The following ENOX1 variants were observed in gnomAD, a reference collection of about 807,000 sequenced individuals.
The protein encoded by ENOX1 is ecto-NOX disulfide-thiol exchanger 1, also known as candidate growth-related and time keeping constitutive hydroquinone (NADH) oxidase.
In ENOX1, 42 loss-of-function variants were observed where a neutral mutation model predicts 82.5. The ratio of observed to expected loss-of-function variants is 0.51; its 90% CI spans 0.40 to 0.66. The LOEUF (loss-of-function observed/expected upper bound fraction) is 0.66. Ranked by LOEUF, ENOX1 falls within the 30% of genes least tolerant of loss-of-function variation. The pLI is 0.00. For missense variants in ENOX1, 608 were observed against 811.6 expected, an observed-to-expected ratio of 0.75 and a Z score of 3.05; for synonymous variants, 271 against 282.2, an observed-to-expected ratio of 0.96 and a Z score of 0.40.
At chr13:43,350,880 G>A (rs1245328372) in intron 8 of ENOX1, among the ~76,000 whole-genome samples, 1 of 152,100 alleles carries the variant, frequency 6.6e-6, no homozygotes, top group African/African-American at 2.4e-5. Context: ...TTTACAGCTG[G>A]GTCTATAAAG....
At chr13:43,691,884 T>A (rs947984846) in intron 1 of ENOX1, among the ~76,000 whole-genome samples, 3 of 152,006 alleles carry the variant, frequency 2.0e-5, no homozygotes, top group Admixed American at 1.3e-4. Flanking sequence ...GTATTTTTAG[T>A]AGAGATGGGG....
chr13:43,546,270 C>G (rs1472056488), intron 2 of ENOX1: 1 of 152,194 alleles, frequency 6.6e-6, no homozygotes, highest in Non-Finnish European at 1.5e-5. Context: ...TTAGGGAAGG[C>G]CTCTCAGATG....
intron 2 of ENOX1, among the ~76,000 whole-genome samples, chr13:43,576,505 T>C (rs1314716511): frequency 3.5e-4 from 53 of 152,312 alleles, no homozygotes; most frequent in Non-Finnish European, 1.2e-4. Context: ...GCATTTAAAA[T>C]GTGCCTAGTT....
At chr13:43,590,027 A>G (rs539196621) in intron 2 of ENOX1, among the ~76,000 whole-genome samples, 3 of 152,330 alleles carry the variant, frequency 2.0e-5, no homozygotes, top group South Asian at 2.1e-4. Context: ...GCAAGCTACA[A>G]ATTTGCTTGA....
At chr13:43,425,382 T>C (rs1176319083) in intron 3 of ENOX1, among the ~76,000 whole-genome samples, 1 of 152,140 alleles carries the variant, frequency 6.6e-6, no homozygotes, top group Non-Finnish European at 1.5e-5. Context: ...CCCAAGGCCT[T>C]TACCCTCTGT....
At chr13:43,498,941 G>A (rs929652633) in intron 2 of ENOX1, among the ~76,000 whole-genome samples, 2 of 152,084 alleles carry the variant, frequency 1.3e-5, no homozygotes, top group Admixed American at 6.6e-5. Flanking sequence ...TAATTGTGGA[G>A]AAACCTGGCA....
At chr13:43,310,128 G>A (rs569575979) in intron 11 of ENOX1, among the ~76,000 whole-genome samples, 423 of 15,228 alleles carry the variant, frequency 0.028, 3 homozygotes, top group African/African-American at 0.034. Flanking sequence ...GCTTGAACCC[G>A]GGAGAGGTTG....
At chr13:43,433,383 A>G (rs1373788817) in intron 3 of ENOX1, among the ~76,000 whole-genome samples, 1 of 152,150 alleles carries the variant, frequency 6.6e-6, no homozygotes, top group Non-Finnish European at 1.5e-5. Flanking sequence ...CCCATGACCC[A>G]AACACCTCCT....
chr13:43,498,665 G>A (rs899041773), intron 2 of ENOX1, among the ~76,000 whole-genome samples: 3 of 151,748 alleles, frequency 2.0e-5, no homozygotes, highest in African/African-American at 4.8e-5. Context: ...ACAATAATTA[G>A]AACATCTAGT....
chr13:43,252,931 T>C (rs1266499470), intron 14 of ENOX1, among the ~76,000 whole-genome samples: 1 of 152,152 alleles, frequency 6.6e-6, no homozygotes, highest in Non-Finnish European at 1.5e-5. Flanking sequence ...GTTGGAAGGA[T>C]TAAGACACAC....
intron 2 of ENOX1, among the ~76,000 whole-genome samples, chr13:43,661,275 G>T (rs550149308): frequency 6.6e-6 from 1 of 152,284 alleles, no homozygotes; most frequent in Non-Finnish European, 1.5e-5. Flanking sequence ...TAATTGGATG[G>T]ATATAGATAT....
chr13:43,741,745 A>T (rs1317695539), intron 1 of ENOX1, among the ~76,000 whole-genome samples: 1 of 152,172 alleles, frequency 6.6e-6, no homozygotes. Flanking sequence ...AATGTTGACG[A>T]AGTCCAATTT....
intron 1 of ENOX1, among the ~76,000 whole-genome samples, chr13:43,668,875 T>C (rs1398243981): frequency 6.6e-6 from 1 of 152,182 alleles, no homozygotes; most frequent in Non-Finnish European, 1.5e-5. Flanking sequence ...TGAGGGCAGG[T>C]CACTAGACCA....
intron 2 of ENOX1, among the ~76,000 whole-genome samples, chr13:43,489,275 C>A (rs1255443041): frequency 2.0e-5 from 3 of 152,122 alleles, no homozygotes; most frequent in African/African-American, 7.2e-5. Flanking sequence ...CTGCCCAGGG[C>A]AATCTCAAGT....
intron 1 of ENOX1, among the ~76,000 whole-genome samples, chr13:43,702,949 G>C (rs1396877895): frequency 6.3e-5 from 2 of 31,784 alleles, no homozygotes; most frequent in African/African-American, 1.8e-4. Context: ...GTGAGACTCT[G>C]TCTCAAAAAA....
intron 5 of ENOX1, among the ~76,000 whole-genome samples, chr13:43,410,003 C>T (rs1264219282): frequency 6.6e-6 from 1 of 152,154 alleles, no homozygotes; most frequent in Non-Finnish European, 1.5e-5. Flanking sequence ...TTGGCTAACA[C>T]AGGAGATAGA....
chr13:43,270,553 T>C (rs1222894558), intron 12 of ENOX1, among the ~76,000 whole-genome samples: 1 of 152,134 alleles, frequency 6.6e-6, no homozygotes, highest in African/African-American at 2.4e-5. Context: ...TTCCTAACCA[T>C]CAAAGCCTGG....
intron 1 of ENOX1, among the ~76,000 whole-genome samples, chr13:43,748,578 T>C (rs1950148937): frequency 6.6e-6 from 1 of 152,180 alleles, no homozygotes; most frequent in African/African-American, 2.4e-5. Flanking sequence ...TTGTCTTGAA[T>C]TTACTACCTG....
At chr13:43,760,766 C>A (rs1950917202) in intron 1 of ENOX1, among the ~76,000 whole-genome samples, 1 of 150,960 alleles carries the variant, frequency 6.6e-6, no homozygotes, top group African/African-American at 2.4e-5. Context: ...TTCACATGCA[C>A]AGAATTTGTG....
Sources: gnomAD v4.1 joint callset for allele counts (sites outside exome capture counted in the v4.1 genomes callset) on GRCh38, gnomAD v4.1.1 for gene constraint, MANE v1.5 for transcripts, NCBI Gene and HGNC (gene_info 2026-07-23, HGNC 2026-07-21) for gene names.